Variants in CPHXL2 observed in about 807,000 individuals in gnomAD.
CPHXL2 encodes cytoplasmic polyadenylated homeobox like 2.
chr16:75,673,119 C>A, the CPHXL2 span, among the ~76,000 whole-genome samples: 2 of 146,324 alleles, frequency 1.4e-5, no homozygotes, highest in Admixed American at 6.8e-5. Flanking sequence ...AAAAAGGGAA[C>A]CTTGTGACCT....
At chr16:75,676,930 C>T in the CPHXL2 span, 4 of 398,520 alleles carry the variant, frequency 1.0e-5, no homozygotes, top group Admixed American at 8.8e-5. Context: ...CCCTCATTTT[C>T]ATGGAAACAG....
At chr16:75,664,798 A>C in the CPHXL2 span, among the ~76,000 whole-genome samples, 1 of 152,028 alleles carries the variant, frequency 6.6e-6, no homozygotes, top group Non-Finnish European at 1.5e-5. Context: ...TTATCATGGG[A>C]GTGGTACTGG....
chr16:75,664,639 A>AG, the CPHXL2 span, among the ~76,000 whole-genome samples: 81 of 151,054 alleles, frequency 5.4e-4, no homozygotes, highest in Non-Finnish European at 6.2e-4. Flanking sequence ...AAAAAAAAAA[A>AG]AAAGAAAGAA....
At chr16:75,670,658 G>A in the CPHXL2 span, among the ~76,000 whole-genome samples, 14 of 152,090 alleles carry the variant, frequency 9.2e-5, no homozygotes, top group African/African-American at 3.1e-4. Flanking sequence ...ACCACCCTCA[G>A]CTAATTTTTG....
chr16:75,666,592 G>C, the CPHXL2 span, among the ~76,000 whole-genome samples: 4 of 111,436 alleles, frequency 3.6e-5, no homozygotes, highest in Admixed American at 1.2e-4. Flanking sequence ...TGGGCAACAA[G>C]AGTGAAACTC....
At chr16:75,663,239 A>T in the CPHXL2 span, among the ~76,000 whole-genome samples, 1 of 152,158 alleles carries the variant, frequency 6.6e-6, no homozygotes, top group Non-Finnish European at 1.5e-5. Context: ...CTGAAGCTAC[A>T]AGGATCTTTG....
the CPHXL2 span, among the ~76,000 whole-genome samples, chr16:75,664,516 T>G: frequency 6.6e-6 from 1 of 151,074 alleles, no homozygotes; most frequent in Non-Finnish European, 1.5e-5. Flanking sequence ...TCCCAGCTAC[T>G]TGGGAGGCTA....
At chr16:75,664,217 C>A in the CPHXL2 span, among the ~76,000 whole-genome samples, 132 of 152,346 alleles carry the variant, frequency 8.7e-4, no homozygotes, top group Non-Finnish European at 1.5e-3. Flanking sequence ...TGTGGCCTGA[C>A]CACCTTGGGC....
At chr16:75,672,813 T>C in the CPHXL2 span, among the ~76,000 whole-genome samples, 12 of 151,832 alleles carry the variant, frequency 7.9e-5, no homozygotes, top group African/African-American at 2.9e-4. Flanking sequence ...GGGAGGCTGA[T>C]GTGGGCAGAC....
the CPHXL2 span, among the ~76,000 whole-genome samples, chr16:75,667,525 C>A: frequency 3.3e-5 from 5 of 152,232 alleles, no homozygotes; most frequent in East Asian, 9.6e-4. Flanking sequence ...AAATATAACT[C>A]TAGTTCAATC....
the CPHXL2 span, chr16:75,660,687 G>A: frequency 6.0e-5 from 24 of 398,642 alleles, no homozygotes; most frequent in Admixed American, 4.4e-4. Context: ...AGCACCTTGA[G>A]CGTAATCCAA....
chr16:75,662,992 G>A, the CPHXL2 span, among the ~76,000 whole-genome samples: 1 of 152,022 alleles, frequency 6.6e-6, no homozygotes, highest in Non-Finnish European at 1.5e-5. Context: ...AGTAGAGACG[G>A]GGTTTCACCG....
At chr16:75,667,778 A>G in the CPHXL2 span, among the ~76,000 whole-genome samples, 1 of 152,206 alleles carries the variant, frequency 6.6e-6, no homozygotes, top group East Asian at 1.9e-4. Flanking sequence ...CCACTTGTAT[A>G]TTTATCTGAC....
chr16:75,665,937 C>T, the CPHXL2 span, among the ~76,000 whole-genome samples: 1 of 152,172 alleles, frequency 6.6e-6, no homozygotes, highest in Non-Finnish European at 1.5e-5. Context: ...CATCTCAATA[C>T]TAACATTGAA....
the CPHXL2 span, among the ~76,000 whole-genome samples, chr16:75,671,431 T>G: frequency 6.6e-6 from 1 of 152,182 alleles, no homozygotes; most frequent in South Asian, 2.1e-4. Flanking sequence ...TCCTACTGTT[T>G]TTAGTTCCTT....
the CPHXL2 span, among the ~76,000 whole-genome samples, chr16:75,661,409 C>T: frequency 1.3e-5 from 2 of 152,128 alleles, no homozygotes; most frequent in African/African-American, 4.8e-5. Context: ...AAGACAATCT[C>T]CCTAGAACTG....
At chr16:75,660,879 G>A in the CPHXL2 span, 6 of 398,676 alleles carry the variant, frequency 1.5e-5, no homozygotes, top group Admixed American at 8.8e-5. Context: ...ATGCTTTTCA[G>A]TACCTGCGAC....
At chr16:75,665,140 G>C in the CPHXL2 span, among the ~76,000 whole-genome samples, 6 of 152,090 alleles carry the variant, frequency 3.9e-5, no homozygotes, top group Admixed American at 3.9e-4. Context: ...AAGAACATCT[G>C]GGAAATTCAT....
chr16:75,664,636 A>AAAAAAG, the CPHXL2 span, among the ~76,000 whole-genome samples: 1 of 150,692 alleles, frequency 6.6e-6, no homozygotes, highest in African/African-American at 2.5e-5. Flanking sequence ...AAAAAAAAAA[A>AAAAAAG]AAAAAAGAAA....
Sources: gnomAD v4.1 joint callset for allele counts (sites outside exome capture counted in the v4.1 genomes callset) on GRCh38, gnomAD v4.1.1 for gene constraint, MANE v1.5 for transcripts, NCBI Gene and HGNC (gene_info 2026-07-23, HGNC 2026-07-21) for gene names.